Variants in OPCML observed in about 807,000 individuals in gnomAD.
The protein encoded by OPCML is opioid-binding protein/cell adhesion molecule.
Under a neutral mutation model 37.8 loss-of-function variants are expected in OPCML, and 13 were observed. The ratio of observed to expected loss-of-function variants is 0.34; its 90% CI spans 0.22 to 0.55. OPCML has a LOEUF of 0.55. OPCML is among the 20% of genes least tolerant of loss of function. The pLI, the probability that OPCML is intolerant of heterozygous loss-of-function variation, is 0.91. For synonymous variants in OPCML, 176 were observed against 168.8 expected, an observed-to-expected ratio of 1.04 and a Z score of -0.33; for missense variants, 341 against 435.6, an observed-to-expected ratio of 0.78 and a Z score of 1.93.
At position 133,285,136 on chromosome 11, in the gene OPCML, G is replaced by A. The variant is rs746744503; in HGVS notation, c.61+247128C>T. Among the ~76,000 whole-genome samples the A allele has an allele frequency of 4.6e-5, 7 of 152,156 alleles. No homozygotes were observed. The East Asian group carries it at 9.6e-4, about 21-fold the overall frequency. ...AATTCTAGATGAGAACCCAAGACAC[G>A]GAAGAGTATATGTGAAATTAGAGGG... On this transcript the variant is annotated intron_variant, in intron 1 of 7. Coordinates refer to ENST00000524381, the MANE Select transcript of OPCML (RefSeq NM_001012393.5).
In OPCML at chr11:132,524,303, T is replaced by C. The variant is rs552556589; in HGVS notation, c.505+4758A>G. Among the ~76,000 whole-genome samples the C allele has an allele frequency of 9.8e-5, 15 of 152,306 alleles. No homozygotes were observed. In the South Asian group the frequency reaches 2.9e-3, roughly 29 times the overall value. On this transcript the variant is annotated intron_variant, in intron 4 of 7. Coordinates refer to ENST00000524381, the MANE Select transcript of OPCML (RefSeq NM_001012393.5). ...ATGTATTCCAATACACCTTGCTTGCTTGTTTTGGGACCTGACTTTTTCCTT... is the reference window on the plus strand; with the variant it reads ...ATGTATTCCAATACACCTTGCTTGCCTGTTTTGGGACCTGACTTTTTCCTT...
chr11:133,518,550 CA>C (rs1302372541), intron 1 of OPCML, among the ~76,000 whole-genome samples: 1 of 151,662 alleles, frequency 6.6e-6, no homozygotes, highest in East Asian at 1.9e-4. Context: ...TATAAATTTG[CA>C]TGCACAAGTG....
chr11:133,150,335 G>A (rs894879670), intron 1 of OPCML, among the ~76,000 whole-genome samples: 8 of 152,268 alleles, frequency 5.3e-5, no homozygotes, highest in East Asian at 1.9e-4. Context: ...TTCTGTCATC[G>A]TCTTCATTTT....
At chr11:133,467,308 G>A (rs1013505335) in intron 1 of OPCML, among the ~76,000 whole-genome samples, 2 of 152,082 alleles carry the variant, frequency 1.3e-5, no homozygotes, top group African/African-American at 4.8e-5. Context: ...GTTGTCATGG[G>A]GTTCCTAGGC....
rs148697858 is a variant in OPCML at position 133,489,409 on chromosome 11, A to G, written c.61+42855T>C. On this transcript the variant is annotated intron_variant, in intron 1 of 7. Coordinates refer to ENST00000524381, the MANE Select transcript of OPCML (RefSeq NM_001012393.5). ...TAAAAAAACAAATAACCCCATTTAA[A>G]AGTGGACAAAGGACATAAACAGACA... Among the ~76,000 whole-genome samples, 6 of 152,308 alleles carry G rather than the reference A, an allele frequency of 3.9e-5. No homozygotes were observed. In the East Asian group the frequency reaches 1.2e-3, roughly 29 times the overall value.
chr11:132,583,151 T>G (rs1416754203), intron 3 of OPCML, among the ~76,000 whole-genome samples: 2 of 152,098 alleles, frequency 1.3e-5, no homozygotes. Flanking sequence ...CTCCTGGGCT[T>G]GAGCCATCCT....
intron 1 of OPCML, among the ~76,000 whole-genome samples, chr11:133,531,121 T>A (rs1032890409): frequency 6.6e-6 from 1 of 152,214 alleles, no homozygotes; most frequent in African/African-American, 2.4e-5. Flanking sequence ...GTGCGACGGT[T>A]TGGTATGAAA....
chr11:132,420,842 C>G (rs1174792790), intron 7 of OPCML, among the ~76,000 whole-genome samples: 1 of 152,142 alleles, frequency 6.6e-6, no homozygotes, highest in African/African-American at 2.4e-5. Flanking sequence ...AACAATCATC[C>G]CCATGGGTTT....
intron 2 of OPCML, among the ~76,000 whole-genome samples, chr11:132,665,745 G>T (rs1269615520): frequency 6.6e-6 from 1 of 152,138 alleles, no homozygotes; most frequent in South Asian, 2.1e-4. Flanking sequence ...AATCCACAGG[G>T]TATGTTGAGG....
At chr11:133,232,144 A>G (rs1044153637) in intron 1 of OPCML, among the ~76,000 whole-genome samples, 1 of 152,056 alleles carries the variant, frequency 6.6e-6, no homozygotes, top group East Asian at 1.9e-4. Flanking sequence ...CATGACCCAG[A>G]CAGACCAAAG....
chr11:133,017,180 T>G (rs1947349755), intron 1 of OPCML, among the ~76,000 whole-genome samples: 1 of 152,130 alleles, frequency 6.6e-6, no homozygotes, highest in Non-Finnish European at 1.5e-5. Flanking sequence ...ATTTTCTGCC[T>G]CTTCTTTTAT....
At chr11:132,617,802 C>T (rs1053893963) in intron 3 of OPCML, among the ~76,000 whole-genome samples, 2 of 152,340 alleles carry the variant, frequency 1.3e-5, no homozygotes, top group African/African-American at 4.8e-5. Context: ...CATCATTCCT[C>T]TTCTCATAAG....
intron 1 of OPCML, among the ~76,000 whole-genome samples, chr11:133,345,687 A>T (rs1223672847): frequency 6.6e-6 from 1 of 152,076 alleles, no homozygotes; most frequent in Non-Finnish European, 1.5e-5. Context: ...TTTGGATTTG[A>T]CTAGGGCCGT....
intron 1 of OPCML, among the ~76,000 whole-genome samples, chr11:133,045,236 T>C (rs1037562063): frequency 7.9e-5 from 12 of 152,218 alleles, no homozygotes; most frequent in Admixed American, 2.0e-4. Flanking sequence ...TTCTGATTCA[T>C]GTCACATCGT....
In OPCML at chr11:133,314,790, C is replaced by CA. The variant is rs540204663; in HGVS notation, c.61+217473dup. Among the ~76,000 whole-genome samples, 66 of 152,256 alleles carry CA rather than the reference C, an allele frequency of 4.3e-4. No individual in the cohort carries two copies. The South Asian group carries it at 8.7e-3, about 20-fold the overall frequency. ...GGCTCCCAAGCAATGGACATTGCCGCAAAAAATTAACGTGCATCTGTTCAT... is the reference window on the plus strand; with the variant it reads ...GGCTCCCAAGCAATGGACATTGCCGCAAAAAAATTAACGTGCATCTGTTCAT... On this transcript the variant is annotated intron_variant, in intron 1 of 7. Coordinates refer to ENST00000524381, the MANE Select transcript of OPCML (RefSeq NM_001012393.5).
At chr11:133,474,614 G>A (rs1051356935) in intron 1 of OPCML, among the ~76,000 whole-genome samples, 12 of 152,336 alleles carry the variant, frequency 7.9e-5, no homozygotes, top group African/African-American at 2.9e-4. Flanking sequence ...CTGGGGGTAT[G>A]GGGCAAGGTA....
chr11:133,188,985 A>G (rs1314552848), intron 1 of OPCML, among the ~76,000 whole-genome samples: 1 of 152,158 alleles, frequency 6.6e-6, no homozygotes, highest in Non-Finnish European at 1.5e-5. Flanking sequence ...CAAACTCTGT[A>G]TATTCAGAAC....
chr11:133,059,064 C>T (rs1023047061), intron 1 of OPCML, among the ~76,000 whole-genome samples: 1 of 152,196 alleles, frequency 6.6e-6, no homozygotes, highest in African/African-American at 2.4e-5. Flanking sequence ...AATTTTCCTC[C>T]AGGACTACCT....
intron 4 of OPCML, among the ~76,000 whole-genome samples, chr11:132,506,351 A>C (rs897823830): frequency 6.6e-6 from 1 of 152,214 alleles, no homozygotes; most frequent in African/African-American, 2.4e-5. Flanking sequence ...AAATACAACA[A>C]TCACACATCT....
Sources: gnomAD v4.1 joint callset for allele counts (sites outside exome capture counted in the v4.1 genomes callset) on GRCh38, gnomAD v4.1.1 for gene constraint, MANE v1.5 for transcripts, NCBI Gene and HGNC (gene_info 2026-07-23, HGNC 2026-07-21) for gene names.